DIPK1A: variants seen among roughly 807,000 people sequenced by gnomAD.
DIPK1A encodes the protein divergent protein kinase domain 1A, also known as family with sequence similarity 69 member A.
DIPK1A carries 27 observed loss-of-function variants against 40.8 expected under a neutral mutation model. The ratio of observed to expected loss-of-function variants is 0.66; its 90% confidence interval spans 0.49 to 0.91. DIPK1A has a LOEUF of 0.91. Ranked by LOEUF, DIPK1A falls within the 40% of genes least tolerant of loss-of-function variation. The pLI is 0.00. For missense variants in DIPK1A, 412 were observed against 505.7 expected, an observed-to-expected ratio of 0.81 and a Z score of 1.78; for synonymous variants, 166 against 171.3, an observed-to-expected ratio of 0.97 and a Z score of 0.24.
chr1:92,836,318 C>T (rs3208367), intron 4 of DIPK1A: 1 of 1,614,014 alleles, frequency 6.2e-7, no homozygotes, highest in Admixed American at 1.7e-5. Context: ...CAGGCCTTGC[C>T]AGAACTACCA....
At chr1:92,915,189 C>G (rs771915680) in intron 1 of DIPK1A, among the ~76,000 whole-genome samples, 1 of 150,788 alleles carries the variant, frequency 6.6e-6, no homozygotes, top group African/African-American at 2.4e-5. Flanking sequence ...CCTTCTTTAT[C>G]TTCCCTTGCT....
intron 1 of DIPK1A, among the ~76,000 whole-genome samples, chr1:92,910,974 C>T (rs929911759): frequency 6.6e-6 from 1 of 152,148 alleles, no homozygotes; most frequent in African/African-American, 2.4e-5. Flanking sequence ...CCTCTATTAC[C>T]TCCCCCATTC....
chr1:92,874,813 T>A (rs1201660370), intron 2 of DIPK1A, among the ~76,000 whole-genome samples: 1 of 152,162 alleles, frequency 6.6e-6, no homozygotes, highest in Non-Finnish European at 1.5e-5. Flanking sequence ...AAATTCTGGT[T>A]CCATCATCTT....
chr1:92,877,145 T>C (rs1032787079), intron 1 of DIPK1A: 3 of 985,292 alleles, frequency 3.0e-6, no homozygotes, highest in African/African-American at 3.5e-5. Context: ...GGATCCTCTT[T>C]GCATTGTTTT....
At chr1:92,933,782 A>G (rs1650848795) in intron 1 of DIPK1A, 1 of 152,234 alleles carries the variant, frequency 6.6e-6, no homozygotes, top group Non-Finnish European at 1.5e-5. Flanking sequence ...AGTTGGATGG[A>G]AAAGAAAGGA....
intron 1 of DIPK1A, among the ~76,000 whole-genome samples, chr1:92,894,875 C>G (rs1184687790): frequency 2.0e-5 from 3 of 152,084 alleles, no homozygotes; most frequent in Non-Finnish European, 2.9e-5. Flanking sequence ...ACTACAAACA[C>G]CTCTACGCAA....
intron 1 of DIPK1A, among the ~76,000 whole-genome samples, chr1:92,937,903 G>C (rs1651005432): frequency 6.6e-6 from 1 of 152,094 alleles, no homozygotes; most frequent in South Asian, 2.1e-4. Flanking sequence ...ATACTGTAAA[G>C]GCTAGTAATG....
At chr1:92,921,256 T>C (rs1650258143) in intron 1 of DIPK1A, among the ~76,000 whole-genome samples, 1 of 151,938 alleles carries the variant, frequency 6.6e-6, no homozygotes, top group South Asian at 2.1e-4. Flanking sequence ...ATTTCAGGAG[T>C]TTATAACTGT....
chr1:92,950,729 G>T (rs1651598268), intron 1 of DIPK1A, among the ~76,000 whole-genome samples: 1 of 152,066 alleles, frequency 6.6e-6, no homozygotes, highest in African/African-American at 2.4e-5. Flanking sequence ...AAACAAAAAA[G>T]AATAGTGTTT....
chr1:92,846,813 A>G (rs866668783), intron 4 of DIPK1A, among the ~76,000 whole-genome samples: 76 of 3,648 alleles, frequency 0.021, 9 homozygotes, highest in African/African-American at 0.13. Context: ...ATATATATAT[A>G]TATATATATA....
At chr1:92,955,816 G>T (rs960589153) in intron 1 of DIPK1A, among the ~76,000 whole-genome samples, 1 of 152,122 alleles carries the variant, frequency 6.6e-6, no homozygotes, top group Non-Finnish European at 1.5e-5. Context: ...CAAGGCAGGA[G>T]GATCACTTGA....
intron 1 of DIPK1A, among the ~76,000 whole-genome samples, chr1:92,888,121 T>A (rs191912054): frequency 6.6e-6 from 1 of 152,196 alleles, no homozygotes; most frequent in Admixed American, 6.6e-5. Flanking sequence ...TATAGAACAC[T>A]TGAACTTACT....
intron 1 of DIPK1A, 42 bp downstream of exon 1, chr1:92,961,334 C>T (rs778148164): frequency 2.8e-6 from 4 of 1,451,664 alleles, no homozygotes; most frequent in Non-Finnish European, 3.7e-6. Flanking sequence ...GGCACACGGC[C>T]GGGTGCTCCC....
intron 1 of DIPK1A, among the ~76,000 whole-genome samples, chr1:92,880,869 CCAAA>C (rs112768555): frequency 0.03 from 4,374 of 148,048 alleles, 203 homozygotes; most frequent in African/African-American, 0.1. Flanking sequence ...GACTCCGTCT[CCAAA>C]CAAACAAACA....
At chr1:92,893,319 C>A (rs1349263009) in intron 1 of DIPK1A, among the ~76,000 whole-genome samples, 4 of 151,746 alleles carry the variant, frequency 2.6e-5, no homozygotes, top group Non-Finnish European at 5.9e-5. Context: ...AGAAACTCTA[C>A]AAGCCAGAAG....
intron 1 of DIPK1A, among the ~76,000 whole-genome samples, chr1:92,946,559 C>T (rs1379153495): frequency 6.6e-6 from 1 of 152,156 alleles, no homozygotes; most frequent in Non-Finnish European, 1.5e-5. Flanking sequence ...TTACAACTAT[C>T]AAACAATGGA....
intron 1 of DIPK1A, among the ~76,000 whole-genome samples, chr1:92,959,437 A>G (rs1260676742): frequency 6.7e-6 from 1 of 149,612 alleles, no homozygotes; most frequent in Non-Finnish European, 1.5e-5. Flanking sequence ...ACAAATTTCC[A>G]CAGTAAAACA....
intron 2 of DIPK1A, among the ~76,000 whole-genome samples, chr1:92,852,152 CA>C (rs1217421658): frequency 6.6e-5 from 10 of 151,998 alleles, no homozygotes; most frequent in African/African-American, 2.4e-4. Context: ...ATCTATACAG[CA>C]AATCTACAAG....
chr1:92,853,058 TAAC>T (rs1269546948), intron 2 of DIPK1A, among the ~76,000 whole-genome samples: 2 of 150,824 alleles, frequency 1.3e-5, no homozygotes, highest in Non-Finnish European at 3.0e-5. Context: ...ACAAAAACAA[TAAC>T]AACAACAAAA....
Sources: allele counts gnomAD v4.1 joint callset (sites outside exome capture counted in the v4.1 genomes callset), GRCh38; gene constraint gnomAD v4.1.1; transcripts MANE v1.5; gene names NCBI Gene and HGNC (gene_info 2026-07-23, HGNC 2026-07-21).